SELENOO: variants seen among roughly 807,000 people sequenced by gnomAD.
SELENOO encodes selenoprotein O.
Under a neutral mutation model 58.7 loss-of-function variants are expected in SELENOO, and 74 were observed. The ratio of observed to expected loss-of-function variants is 1.26; its 90% CI spans 1.04 to 1.53. The LOEUF is 1.53. SELENOO is among the 40% of genes most tolerant of loss of function. SELENOO has a pLI of 0.00. For missense variants in SELENOO, 1,149 were observed against 970.0 expected (o/e 1.18, Z -2.45); for synonymous variants, 543 against 453.2 (o/e 1.20, Z -2.52).
rs1440813526 is a variant in SELENOO, at chr22:50,201,538, G to T, written c.502G>T (p.Gly168Cys). 1 of 1,395,488 alleles carries T rather than the reference G, an allele frequency of 7.2e-7. No homozygotes were observed. Among genetic ancestry groups the T allele is most frequent in the South Asian group, 1.5e-5 (1 of 67,714 alleles). The allele number at this position is 1,395,488 out of a possible 1,614,324, so 86.4% of individuals were successfully genotyped here. A position where few individuals can be genotyped will look rare whatever the true frequency, so the allele number is the denominator to read the frequency against. ...MYLGEVCTAT[G>C]ERWELQLKGA... ...CCTGGGCGAGGTGTGCACGGCGACC[G>T]GCGAGCGCTGGGAGCTGCAGCTCAA... The change falls in exon 1 of 9, where the codon GGC becomes TGC. Residue 168 changes from glycine to cysteine, a missense_variant. By Grantham distance (159) the Gly-to-Cys change is radical. Coordinates refer to ENST00000380903, the MANE Select transcript of SELENOO (RefSeq NM_031454.2).
rs1344955413 is a variant in SELENOO, at chr22:50,217,414, A to G, written c.*45A>G. ...ACCCCTGGAGTCTCCCGAGGCCCCC[A>G]TGTGCTGCTGAGTGGCCAAGATGAT... On this transcript the variant is annotated 3_prime_UTR_variant, in exon 9 of 9. Transcript: ENST00000380903. 1.3e-6 allele frequency: 2 copies of G among 1,599,540 alleles called. No homozygotes were observed. The highest frequency in any genetic ancestry group is 1.7e-4 in the Middle Eastern group (1 of 5,988).
At position 50,217,104 on chromosome 22, in the gene SELENOO, T is replaced by C; in HGVS notation, c.1821T>C (p.Ala607=). Reference sequence around the variant, plus strand: ...ACATCGCGCAGAATGCCATCGAGGCTGCCGAGCGCGGGGACTTCTCAGAGG... The same window carrying C: ...ACATCGCGCAGAATGCCATCGAGGCCGCCGAGCGCGGGGACTTCTCAGAGG... The part of the protein sequence containing the change: ...RNYIAQNAIE[A]AERGDFSEVR... Residue 607 remains alanine (A), a synonymous_variant, in exon 8 of 9, where the codon GCT becomes GCC. Transcript: ENST00000380903. 6.2e-7 allele frequency: 1 copy of C among 1,612,998 alleles called. No individual in the cohort carries two copies. Among genetic ancestry groups the C allele is most frequent in the South Asian group, 1.1e-5 (1 of 91,084 alleles).
chr22:50,205,333 C>G (rs935032648), intron 1 of SELENOO, among the ~76,000 whole-genome samples: 11 of 152,206 alleles, frequency 7.2e-5, no homozygotes, highest in Non-Finnish European at 1.6e-4. Context: ...GCCTGTAATC[C>G]TAGCACTTTT....
At chr22:50,210,942 C>T (rs776875044) in intron 5 of SELENOO, 31 bp downstream of exon 5, 14 of 1,611,674 alleles carry the variant, frequency 8.7e-6, no homozygotes, top group South Asian at 6.6e-5. Context: ...CACAGCAAGG[C>T]GCCTCCCGTG....
intron 3 of SELENOO, among the ~76,000 whole-genome samples, chr22:50,209,004 G>A (rs566590177): frequency 2.0e-4 from 30 of 152,318 alleles, no homozygotes; most frequent in African/African-American, 6.7e-4. Context: ...TGGCTTGGGT[G>A]GAAGGACCAT....
At chr22:50,208,813 T>C in intron 3 of SELENOO, 97 bp downstream of exon 3, 1 of 1,214,090 alleles carries the variant, frequency 8.2e-7, no homozygotes, top group African/African-American at 1.5e-5. Context: ...ACAAAGGCTT[T>C]TACCCAGCCT....
intron 3 of SELENOO, chr22:50,209,283 A>T (rs1392319488): frequency 2.0e-5 from 3 of 152,536 alleles, no homozygotes; most frequent in Non-Finnish European, 4.4e-5. Context: ...CGGGCACAGC[A>T]TCTTCTTTGA....
chr22:50,206,576 A>T, intron 2 of SELENOO, 56 bp downstream of exon 2: 1 of 1,478,338 alleles, frequency 6.8e-7, no homozygotes. Context: ...GTCCTAGGAG[A>T]TTTGGGCCTG....
intron 1 of SELENOO, among the ~76,000 whole-genome samples, 189 bp downstream of exon 1, chr22:50,201,779 G>C (rs182438828): frequency 1.3e-5 from 2 of 152,360 alleles, no homozygotes; most frequent in African/African-American, 2.4e-5. Flanking sequence ...CTTGGAGTCA[G>C]CTCCACCAGG....
Position 50,217,410 on chromosome 22 carries a change from C to T in SELENOO, c.*41C>T, listed in dbSNP as rs757538345. 6.2e-7 allele frequency: 1 copy of T among 1,601,346 alleles called. No homozygotes were observed. The highest frequency in any genetic ancestry group is 1.8e-5 in the Admixed American group (1 of 56,356). Reference sequence around the variant, plus strand: ...CCACACCCCTGGAGTCTCCCGAGGCCCCCATGTGCTGCTGAGTGGCCAAGA... The same window carrying T: ...CCACACCCCTGGAGTCTCCCGAGGCTCCCATGTGCTGCTGAGTGGCCAAGA... On this transcript the variant is annotated 3_prime_UTR_variant, in exon 9 of 9. Transcript: ENST00000380903.
rs758020673 is a variant in SELENOO, at chr22:50,217,330, G to A, written c.1971G>A (p.Pro657=). The stretch of plus-strand genomic sequence containing the variant: ...AGCGCTCCTACAGCAGTAAGCCCCC[G>A]CTCTGGGCAGCAGAACTGTGCGTGA... ...GRQRSYSSKP[P]LWAAELCVTU... The change falls in exon 9 of 9, where the codon CCG becomes CCA. Residue 657 remains proline, a synonymous_variant. Coordinates refer to ENST00000380903, the MANE Select transcript of SELENOO (RefSeq NM_031454.2). 2.7e-5 allele frequency: 43 copies of A among 1,612,828 alleles called. No individual in the cohort carries two copies. Among genetic ancestry groups the A allele is most frequent in the African/African-American group, 1.5e-4 (11 of 74,926 alleles).
At chr22:50,208,993 C>T (rs897854339) in intron 3 of SELENOO, among the ~76,000 whole-genome samples, 3 of 152,306 alleles carry the variant, frequency 2.0e-5, no homozygotes, top group Admixed American at 1.3e-4. Context: ...GGGGTGGGAG[C>T]TGGCTTGGGT....
chr22:50,207,274 C>G (rs1202516454), intron 2 of SELENOO, among the ~76,000 whole-genome samples: 2 of 152,078 alleles, frequency 1.3e-5, no homozygotes, highest in African/African-American at 4.8e-5. Context: ...CAGACGTGCG[C>G]CACCACGTCC....
At position 50,217,024 on chromosome 22, in the gene SELENOO, G is replaced by A; in HGVS notation, c.1741G>A (p.Ala581Thr). The change falls in exon 8 of 9, where the codon GCT (alanine) becomes ACT (threonine). Residue 581 changes from alanine to threonine, a missense_variant. Coordinates refer to ENST00000380903, the MANE Select transcript of SELENOO (RefSeq NM_031454.2). ...EGAGDAAAWQ[A>T]EHVRVMHANN... ...CGCTGGGGACGCTGCCGCCTGGCAG[G>A]CTGAGCACGTGCGCGTGATGCACGC... The A allele has an allele frequency of 6.2e-7, 1 of 1,611,978 alleles. No individual in the cohort carries two copies. The highest frequency in any genetic ancestry group is 8.5e-7 in the Non-Finnish European group (1 of 1,179,882).
intron 5 of SELENOO, among the ~76,000 whole-genome samples, chr22:50,213,064 G>A (rs577290855): frequency 6.6e-6 from 1 of 152,244 alleles, no homozygotes; most frequent in South Asian, 2.1e-4. Context: ...GTATGTTGTG[G>A]GTTTTTTTGG....
At position 50,217,542 on chromosome 22, in the gene SELENOO, G is replaced by A; in HGVS notation, c.*173G>A. On this transcript the variant is annotated 3_prime_UTR_variant, in exon 9 of 9. Transcript: ENST00000380903. ...GTCAGGACCTGACCCGTCTCTGTCT[G>A]AGGCCGGCTCAGCAGTGCAGCCTGG... 1 of 1,023,052 alleles carries A rather than the reference G, an allele frequency of 9.8e-7. No individual in the cohort carries two copies. Among genetic ancestry groups the A allele is most frequent in the East Asian group, 2.6e-5 (1 of 38,038 alleles). 63.4% of individuals were successfully genotyped at this position (1,023,052 alleles called of 1,614,324 possible).
At chr22:50,201,758 C>T (rs555816090) in intron 1 of SELENOO, among the ~76,000 whole-genome samples, 168 bp downstream of exon 1, 3 of 152,380 alleles carry the variant, frequency 2.0e-5, no homozygotes, top group South Asian at 2.1e-4. Context: ...GCTTATCAAC[C>T]CGCCGAGGAC....
At chr22:50,203,881 A>G (rs905320454) in intron 1 of SELENOO, among the ~76,000 whole-genome samples, 2 of 152,128 alleles carry the variant, frequency 1.3e-5, no homozygotes, top group Middle Eastern at 3.4e-3. Flanking sequence ...GCATAAAAAT[A>G]CAGTATTAAC....
At chr22:50,202,949 T>A (rs763306274) in intron 1 of SELENOO, among the ~76,000 whole-genome samples, 1 of 152,198 alleles carries the variant, frequency 6.6e-6, no homozygotes, top group Non-Finnish European at 1.5e-5. Flanking sequence ...CATAAATAAA[T>A]GGAAACATCC....
Sources: gnomAD v4.1 joint callset for allele counts (sites outside exome capture counted in the v4.1 genomes callset) on GRCh38, gnomAD v4.1.1 for gene constraint, MANE v1.5 for transcripts, NCBI Gene and HGNC (gene_info 2026-07-23, HGNC 2026-07-21) for gene names.